The following TGFA variants were observed in gnomAD, a reference collection of about 807,000 sequenced individuals.
The protein encoded by TGFA is transforming growth factor alpha.
A neutral mutation model predicts 21.7 loss-of-function variants in TGFA; 12 were observed. The ratio of observed to expected loss-of-function variants is 0.55; its 90% CI spans 0.35 to 0.90. The LOEUF (loss-of-function observed/expected upper bound fraction) is 0.90. Among genes scored for constraint, TGFA ranks in the 40% least tolerant of loss-of-function variants. TGFA has a pLI of 0.01. For synonymous variants in TGFA, 79 were observed against 88.1 expected, an observed-to-expected ratio of 0.90 and a Z score of 0.58; for missense variants, 178 against 210.8, an observed-to-expected ratio of 0.84 and a Z score of 0.96.
At chr2:70,538,636 GA>G (rs1417171170) in intron 1 of TGFA, among the ~76,000 whole-genome samples, 3 of 152,318 alleles carry the variant, frequency 2.0e-5, no homozygotes, top group Middle Eastern at 3.4e-3. Context: ...GCCCGAAGAT[GA>G]GACTGAATTG....
intron 2 of TGFA, among the ~76,000 whole-genome samples, chr2:70,510,825 C>T (rs13387913): frequency 0.025 from 3,752 of 152,160 alleles, 160 homozygotes; most frequent in African/African-American, 0.086. Context: ...TATAAGAACA[C>T]AGAACTTTTT....
At chr2:70,482,522 G>A (rs906631280) in intron 2 of TGFA, among the ~76,000 whole-genome samples, 3 of 152,212 alleles carry the variant, frequency 2.0e-5, no homozygotes, top group Admixed American at 6.5e-5. Context: ...GTCCTGGAAT[G>A]CTGTTGGATT....
At chr2:70,457,526 C>T (rs1351835603) in intron 3 of TGFA, among the ~76,000 whole-genome samples, 2 of 150,930 alleles carry the variant, frequency 1.3e-5, no homozygotes, top group Non-Finnish European at 2.9e-5. Flanking sequence ...ATCGCCACTT[C>T]CTTTGCCAGG....
At chr2:70,479,053 T>C (rs1411723589) in intron 2 of TGFA, among the ~76,000 whole-genome samples, 2 of 152,222 alleles carry the variant, frequency 1.3e-5, no homozygotes, top group African/African-American at 2.4e-5. Flanking sequence ...TTATTTTATA[T>C]ATAAAACTTA....
chr2:70,518,770 C>T (rs185946607), intron 1 of TGFA, among the ~76,000 whole-genome samples: 79 of 152,294 alleles, frequency 5.2e-4, no homozygotes, highest in African/African-American at 1.9e-3. Flanking sequence ...GTGCCTGGAG[C>T]TGGGAGGAGC....
intron 3 of TGFA, 38 bp downstream of exon 3, chr2:70,465,578 C>G (rs189667962): frequency 6.2e-7 from 1 of 1,613,088 alleles, no homozygotes; most frequent in African/African-American, 1.3e-5. Flanking sequence ...TTGGACTGAC[C>G]CCAGCCCCAG....
At chr2:70,470,062 G>A (rs964046359) in intron 2 of TGFA, among the ~76,000 whole-genome samples, 1 of 151,998 alleles carries the variant, frequency 6.6e-6, no homozygotes, top group African/African-American at 2.4e-5. Context: ...GGAGAGAGAC[G>A]GGAGAGAGGG....
intron 1 of TGFA, among the ~76,000 whole-genome samples, chr2:70,530,450 G>T (rs1553503593): frequency 6.6e-6 from 1 of 152,174 alleles, no homozygotes; most frequent in Non-Finnish European, 1.5e-5. Flanking sequence ...GGAAGAAGAA[G>T]AATAAGAACA....
intron 1 of TGFA, among the ~76,000 whole-genome samples, chr2:70,522,158 G>A (rs540598226): frequency 2.0e-5 from 3 of 152,228 alleles, no homozygotes; most frequent in South Asian, 2.1e-4. Context: ...CTGGCCTAAC[G>A]CACCTACATA....
intron 1 of TGFA, among the ~76,000 whole-genome samples, chr2:70,549,699 T>C (rs1673425948): frequency 6.6e-6 from 1 of 152,224 alleles, no homozygotes; most frequent in African/African-American, 2.4e-5. Flanking sequence ...TAGGACCTTG[T>C]TCAAGACACA....
At chr2:70,502,426 G>A (rs1164225753) in intron 2 of TGFA, among the ~76,000 whole-genome samples, 1 of 152,062 alleles carries the variant, frequency 6.6e-6, no homozygotes, top group East Asian at 1.9e-4. Context: ...TGCAACCTTC[G>A]CTTCCCGGGT....
chr2:70,513,766 C>T (rs1553501245), intron 2 of TGFA, among the ~76,000 whole-genome samples: 1 of 152,092 alleles, frequency 6.6e-6, no homozygotes. Context: ...AGGTAAGAAA[C>T]CCGCCCCCTC....
chr2:70,465,521 G>C, intron 3 of TGFA, 95 bp downstream of exon 3: 2 of 1,513,502 alleles, frequency 1.3e-6, no homozygotes, highest in Non-Finnish European at 1.8e-6. Context: ...AGGGGTCTCG[G>C]AGCCTCTGGC....
At chr2:70,490,866 T>G (rs1671413959) in intron 2 of TGFA, among the ~76,000 whole-genome samples, 1 of 152,198 alleles carries the variant, frequency 6.6e-6, no homozygotes, top group African/African-American at 2.4e-5. Context: ...TTACAAAACA[T>G]AAAGTGTAGA....
chr2:70,485,152 A>G (rs1553496406), intron 2 of TGFA, among the ~76,000 whole-genome samples: 1 of 152,206 alleles, frequency 6.6e-6, no homozygotes, highest in Non-Finnish European at 1.5e-5. Flanking sequence ...TCTTGTTTAT[A>G]GCAATACTGT....
At chr2:70,500,970 CAAAAAAA>C (rs34669349) in intron 2 of TGFA, among the ~76,000 whole-genome samples, 1 of 143,812 alleles carries the variant, frequency 7.0e-6, no homozygotes, top group Non-Finnish European at 1.5e-5. Flanking sequence ...GGGCCATCTC[CAAAAAAA>C]AAAAAAAAAT....
chr2:70,514,793 G>C (rs1672217162), intron 2 of TGFA, 66 bp downstream of exon 2: 13 of 1,551,326 alleles, frequency 8.4e-6, no homozygotes, highest in Non-Finnish European at 1.1e-5. Flanking sequence ...CTCTTGAGGA[G>C]CCACACAGCA....
chr2:70,486,000 T>G (rs1324698216), intron 2 of TGFA, among the ~76,000 whole-genome samples: 1 of 152,182 alleles, frequency 6.6e-6, no homozygotes, highest in Non-Finnish European at 1.5e-5. Flanking sequence ...AATGCCAAGC[T>G]GATAGTATTT....
intron 1 of TGFA, among the ~76,000 whole-genome samples, chr2:70,517,582 C>T (rs1553501744): frequency 6.6e-6 from 1 of 152,178 alleles, no homozygotes; most frequent in Non-Finnish European, 1.5e-5. Context: ...TAGAAATGCC[C>T]AGTCATAGAG....
Sources: gnomAD v4.1 joint callset for allele counts (sites outside exome capture counted in the v4.1 genomes callset) on GRCh38, gnomAD v4.1.1 for gene constraint, MANE v1.5 for transcripts, NCBI Gene and HGNC (gene_info 2026-07-23, HGNC 2026-07-21) for gene names.